The following ZNF680 variants were observed in gnomAD, a reference collection of about 807,000 sequenced individuals.
ZNF680 encodes zinc finger protein 680.
A neutral mutation model predicts 12.1 loss-of-function variants in ZNF680; 6 were observed. The ratio of observed to expected loss-of-function variants is 0.49; its 90% confidence interval spans 0.27 to 0.98. The LOEUF is 0.98. Ranked by LOEUF, ZNF680 falls within the 50% of genes least tolerant of loss-of-function variation. The probability of loss-of-function intolerance (pLI) is 0.12; values close to 1 mark genes in which losing one functional copy is unlikely to be tolerated. For synonymous variants in ZNF680, 170 were observed against 199.3 expected (o/e 0.85, Z 1.24); for missense variants, 561 against 616.3 (o/e 0.91, Z 0.95).
At chr7:64,531,490 G>A (rs560242753) in intron 3 of ZNF680, among the ~76,000 whole-genome samples, 33 of 151,664 alleles carry the variant, frequency 2.2e-4, no homozygotes, top group African/African-American at 7.3e-4. Flanking sequence ...CCAGCTACTC[G>A]GGTGGTTGAG....
chr7:64,509,739 T>G, the ZNF680 span, among the ~76,000 whole-genome samples: 10 of 152,204 alleles, frequency 6.6e-5, no homozygotes, highest in Admixed American at 5.9e-4. Flanking sequence ...TAAGTGTAAC[T>G]AAATCCTGCC....
chr7:64,554,134 A>G (rs1404961961), intron 1 of ZNF680, among the ~76,000 whole-genome samples: 1 of 149,030 alleles, frequency 6.7e-6, no homozygotes, highest in Non-Finnish European at 1.5e-5. Flanking sequence ...CCGTCTAGGA[A>G]GTGAGGAGCG....
chr7:64,543,965 T>G (rs2116490222), intron 2 of ZNF680, 163 bp from the exon 3 acceptor site: 4 of 702,288 alleles, frequency 5.7e-6, no homozygotes, highest in Non-Finnish European at 8.9e-6. Context: ...TACTTTAAAT[T>G]TTTAGGTCTT....
At chr7:64,501,667 GA>G in the ZNF680 span, 3 of 1,026,674 alleles carry the variant, frequency 2.9e-6, no homozygotes, top group Non-Finnish European at 4.6e-6. Context: ...GACCAAGGAT[GA>G]AAAAGAGGCT....
rs1472467735 is a variant in ZNF680, at chr7:64,544,359, C to T, written c.104G>A (p.Arg35Gln). 5 of 1,601,994 alleles carry T rather than the reference C, an allele frequency of 3.1e-6. No homozygotes were observed. Among genetic ancestry groups the T allele is most frequent in the South Asian group, 2.2e-5 (2 of 90,940 alleles). ...AAACATCACTTTCCTATATAAATTC[C>T]GTTGTGCAGTGTCCAGGCATTGCCA... ...EEWQCLDTAQ[R>Q]NLYRKVMFEN... The change falls in exon 2 of 4, where the codon CGG becomes CAG. Residue 35 changes from arginine (R) to glutamine (Q), a missense_variant. By Grantham distance (43) the Arg-to-Gln change is conservative. Transcript: ENST00000309683.
At chr7:64,513,118 A>C in the ZNF680 span, among the ~76,000 whole-genome samples, 1 of 152,172 alleles carries the variant, frequency 6.6e-6, no homozygotes, top group African/African-American at 2.4e-5. Context: ...AAAAAAGTCA[A>C]AATTCATCTG....
chr7:64,521,841 A>G lies in ZNF680; in HGVS notation c.913T>C (p.Trp305Arg). The change falls in exon 4 of 4, where the codon TGG (tryptophan) becomes CGG (arginine). Residue 305 changes from tryptophan to arginine, a missense_variant. Physicochemically the swap from Trp to Arg is moderately radical, Grantham distance 101. Coordinates refer to ENST00000309683, the MANE Select transcript of ZNF680 (RefSeq NM_178558.5). Reference sequence around the variant, plus strand: ...TTATGGTTAGTAAGGGTTGCAAACCAGTTAAAGGCTTTGTGACATTCATCA... The same window carrying G: ...TTATGGTTAGTAAGGGTTGCAAACCGGTTAAAGGCTTTGTGACATTCATCA... ...KCDECHKAFNWFATLTNHKRI... is the reference protein window; with the variant it reads ...KCDECHKAFNRFATLTNHKRI... 1 of 1,613,302 alleles carries G rather than the reference A, an allele frequency of 6.2e-7. No homozygotes were observed. Among genetic ancestry groups the G allele is most frequent in the South Asian group, 1.1e-5 (1 of 91,042 alleles).
chr7:64,547,511 G>A (rs554005071), intron 1 of ZNF680, among the ~76,000 whole-genome samples: 25 of 152,278 alleles, frequency 1.6e-4, no homozygotes, highest in African/African-American at 5.8e-4. Flanking sequence ...CATTGTGCTG[G>A]GAAAAATACA....
At chr7:64,530,750 T>A (rs371552099) in intron 3 of ZNF680, among the ~76,000 whole-genome samples, 7 of 151,682 alleles carry the variant, frequency 4.6e-5, no homozygotes, top group South Asian at 4.2e-4. Flanking sequence ...TCCCAGCTAC[T>A]CGGGAGGCTG....
chr7:64,560,756 G>A (rs1787689037), intron 1 of ZNF680, among the ~76,000 whole-genome samples: 2 of 151,380 alleles, frequency 1.3e-5, no homozygotes, highest in Non-Finnish European at 2.9e-5. Flanking sequence ...AGGTTGCAGT[G>A]AGCCAAGATC....
the ZNF680 span, among the ~76,000 whole-genome samples, chr7:64,512,416 G>GCA: frequency 7.1e-6 from 1 of 140,200 alleles, no homozygotes; most frequent in East Asian, 2.1e-4. Context: ...TCGCACCATT[G>GCA]CACTCCAGCC....
rs1791556353 is a variant in ZNF680, at chr7:64,521,850, C to G, written c.904G>C (p.Ala302Pro). The change falls in exon 4 of 4, where the codon GCC becomes CCC. Residue 302 changes from alanine (A) to proline (P), a missense_variant. Physicochemically the swap from Ala to Pro is conservative, Grantham distance 27. Coordinates refer to ENST00000309683, the MANE Select transcript of ZNF680 (RefSeq NM_178558.5). The part of the protein sequence containing the change: ...KPYKCDECHK[A>P]FNWFATLTNH... The stretch of plus-strand genomic sequence containing the variant: ...GTAAGGGTTGCAAACCAGTTAAAGG[C>G]TTTGTGACATTCATCACATTTGTAA... 2 of 1,613,414 alleles carry G rather than the reference C, an allele frequency of 1.2e-6. No homozygotes were observed. The highest frequency in any genetic ancestry group is 1.7e-6 in the Non-Finnish European group (2 of 1,179,702).
At chr7:64,527,046 T>A (rs1356599257) in intron 3 of ZNF680, among the ~76,000 whole-genome samples, 1 of 152,192 alleles carries the variant, frequency 6.6e-6, no homozygotes, top group Non-Finnish European at 1.5e-5. Context: ...GAGGCCATCC[T>A]GGCCAACATG....
rs372694398 is a variant in ZNF680, at chr7:64,521,222, A to C, written c.1532T>G (p.Ile511Ser). The change falls in exon 4 of 4, where the codon ATT becomes AGT. Residue 511 changes from isoleucine to serine, a missense_variant. Transcript: ENST00000309683. The part of the protein sequence containing the change: ...RSSHLTRHKK[I>S]HTGEKLYKPE... ...TTTGTAGAGTTTCTCACCAGTATGA[A>C]TTTTCTTATGTCTAGTAAGGTGTGA... 1 of 1,613,372 alleles carries C rather than the reference A, an allele frequency of 6.2e-7. No individual in the cohort carries two copies. Among genetic ancestry groups the C allele is most frequent in the African/African-American group, 1.3e-5 (1 of 74,982 alleles).
At chr7:64,549,127 G>GAAAAAAAA (rs1156794322) in intron 1 of ZNF680, among the ~76,000 whole-genome samples, 2 of 94,226 alleles carry the variant, frequency 2.1e-5, no homozygotes, top group Non-Finnish European at 2.3e-5. Context: ...CTCAAAAAAA[G>GAAAAAAAA]AAAAAAAAAA....
At chr7:64,515,370 A>G (rs1487886200), downstream of ZNF680, among the ~76,000 whole-genome samples, 1 of 152,016 alleles carries the variant, frequency 6.6e-6, no homozygotes, top group African/African-American at 2.4e-5. Flanking sequence ...ACTGTTCCCT[A>G]CACAATGCCC....
the ZNF680 span, among the ~76,000 whole-genome samples, chr7:64,508,014 AG>A: frequency 1.3e-5 from 2 of 150,614 alleles, no homozygotes; most frequent in African/African-American, 4.9e-5. Flanking sequence ...ATACTTTAAA[AG>A]GCTCTAAAGC....
chr7:64,510,168 A>G, the ZNF680 span, among the ~76,000 whole-genome samples: 1 of 151,876 alleles, frequency 6.6e-6, no homozygotes, highest in African/African-American at 2.4e-5. Context: ...TTCCCAATTA[A>G]AATAAAACAA....
intron 3 of ZNF680, among the ~76,000 whole-genome samples, chr7:64,527,619 C>T (rs1309300050): frequency 2.0e-5 from 3 of 151,754 alleles, no homozygotes; most frequent in East Asian, 3.9e-4. Context: ...CACTTGAACC[C>T]GGGAGGCAGA....
Sources: gnomAD v4.1 joint callset for allele counts (sites outside exome capture counted in the v4.1 genomes callset) on GRCh38, gnomAD v4.1.1 for gene constraint, MANE v1.5 for transcripts, NCBI Gene and HGNC (gene_info 2026-07-23, HGNC 2026-07-21) for gene names.